The following FNBP1L variants were observed in gnomAD, a reference collection of about 807,000 sequenced individuals.
FNBP1L encodes formin-binding protein 1-like.
Under a neutral mutation model 91.2 loss-of-function variants are expected in FNBP1L, and 36 were observed. The observed-to-expected ratio is 0.39, with a 90% CI of 0.30 to 0.52. The LOEUF is 0.52. Among genes scored for constraint, FNBP1L ranks in the 20% least tolerant of loss-of-function variants. The pLI, the probability that FNBP1L is intolerant of heterozygous loss-of-function variation, is 0.66. For synonymous variants in FNBP1L, 242 were observed against 237.0 expected (o/e 1.02, Z -0.19); for missense variants, 571 against 732.1 (o/e 0.78, Z 2.54).
At chr1:93,510,343 G>A (rs1224951994) in intron 2 of FNBP1L, among the ~76,000 whole-genome samples, 2 of 152,102 alleles carry the variant, frequency 1.3e-5, no homozygotes, top group Non-Finnish European at 2.9e-5. Flanking sequence ...CCCCAGCAGG[G>A]GCAGACTGAC....
chr1:93,499,634 G>A, intron 2 of FNBP1L, 51 bp downstream of exon 2: 1 of 1,057,870 alleles, frequency 9.5e-7, no homozygotes, highest in Non-Finnish European at 1.4e-6. Flanking sequence ...TGTTTAAACA[G>A]TTGAATATTA....
chr1:93,524,184 T>C, intron 4 of FNBP1L, 77 bp from the exon 5 acceptor site: 1 of 1,250,618 alleles, frequency 8.0e-7, no homozygotes, highest in Non-Finnish European at 1.1e-6. Flanking sequence ...GACTTTAGTG[T>C]TTAAATGTAA....
intron 1 of FNBP1L, among the ~76,000 whole-genome samples, chr1:93,452,264 A>G (rs1180074830): frequency 1.3e-5 from 2 of 152,190 alleles, no homozygotes; most frequent in African/African-American, 4.8e-5. Context: ...CAGAGTATTG[A>G]TTACTAATTA....
At chr1:93,502,037 G>GT (rs1348308637) in intron 2 of FNBP1L, among the ~76,000 whole-genome samples, 2 of 152,226 alleles carry the variant, frequency 1.3e-5, no homozygotes, top group African/African-American at 4.8e-5. Flanking sequence ...AAAATCAGGT[G>GT]TACCAGCATT....
At chr1:93,485,472 A>G (rs1251066079) in intron 1 of FNBP1L, among the ~76,000 whole-genome samples, 1 of 152,214 alleles carries the variant, frequency 6.6e-6, no homozygotes, top group African/African-American at 2.4e-5. Flanking sequence ...AAGTTCAGTC[A>G]TACAAAGCTG....
Position 93,532,998 on chromosome 1 carries a change from A to G in FNBP1L, c.716A>G (p.Lys239Arg), listed in dbSNP as rs780375202. 4.3e-6 allele frequency: 7 copies of G among 1,613,430 alleles called. No homozygotes were observed. In the East Asian group the frequency reaches 6.7e-5, roughly 15 times the overall value. ...AGAGGATTTGCTGACTCAGAACGCA[A>G]AGTTATTCCCATCATTTCAAAATGT... ...CYRGFADSERKVIPIISKCLE... is the reference protein window; with the variant it reads ...CYRGFADSERRVIPIISKCLE... Residue 239 changes from lysine to arginine, a missense_variant, in exon 8 of 17, where the codon AAA becomes AGA. This residue lies in a region of FNBP1L where 220 missense variants were observed against 313.6 expected (regional missense o/e 0.70). Transcript: ENST00000271234.
intron 4 of FNBP1L, 109 bp from the exon 5 acceptor site, chr1:93,524,152 G>A: frequency 1.2e-6 from 1 of 819,396 alleles, no homozygotes. Context: ...AAAATAAAGT[G>A]AAAAGCCTTT....
At chr1:93,514,730 A>G (rs1001304791) in intron 2 of FNBP1L, among the ~76,000 whole-genome samples, 3 of 151,714 alleles carry the variant, frequency 2.0e-5, no homozygotes, top group African/African-American at 7.2e-5. Context: ...GAAAGCTGAA[A>G]CTGGATCCCT....
rs55649797 is a variant in FNBP1L, at chr1:93,540,844, CTTT to C, written c.1150-183_1150-181del. 2.5e-3 allele frequency among the ~76,000 whole-genome samples: 306 copies of C among 122,884 alleles called. 2 individuals carry two copies. The highest frequency in any genetic ancestry group is 8.5e-3 in the African/African-American group (283 of 33,448). 80.6% of individuals were successfully genotyped at this position (122,884 alleles called of 152,430 possible). The stretch of plus-strand genomic sequence containing the variant: ...ATCTGCCCATTATCATCAATGTATG[CTTT>C]TTTTTTTTTTTTTTGCAAGTAATTT... On this transcript the variant is annotated intron_variant, in intron 10 of 16. Coordinates refer to ENST00000271234, the MANE Select transcript of FNBP1L (RefSeq NM_001164473.3).
At chr1:93,487,514 C>T (rs1669948437) in intron 1 of FNBP1L, among the ~76,000 whole-genome samples, 1 of 152,132 alleles carries the variant, frequency 6.6e-6, no homozygotes, top group Admixed American at 6.6e-5. Flanking sequence ...GAAAGCAGAA[C>T]AAATAAGTTT....
chr1:93,459,978 T>TGTGTGTGTG (rs1557774003), intron 1 of FNBP1L, among the ~76,000 whole-genome samples: 4 of 125,632 alleles, frequency 3.2e-5, no homozygotes, highest in Non-Finnish European at 3.6e-5. Flanking sequence ...TGTGTGTGTG[T>TGTGTGTGTG]TTTTGGGATA....
At chr1:93,489,086 A>G (rs1415955880) in intron 1 of FNBP1L, among the ~76,000 whole-genome samples, 2 of 152,218 alleles carry the variant, frequency 1.3e-5, no homozygotes, top group African/African-American at 4.8e-5. Context: ...AAGCACAACT[A>G]GCCAACCTGG....
chr1:93,471,984 G>T (rs1485374307), intron 1 of FNBP1L, among the ~76,000 whole-genome samples: 1 of 152,156 alleles, frequency 6.6e-6, no homozygotes, highest in Non-Finnish European at 1.5e-5. Flanking sequence ...GCCTGTCTGA[G>T]AAATGGTGCT....
intron 1 of FNBP1L, among the ~76,000 whole-genome samples, chr1:93,468,918 TATC>T (rs979747657): frequency 2.0e-5 from 3 of 152,204 alleles, no homozygotes; most frequent in Non-Finnish European, 2.9e-5. Context: ...CAACGGTTGA[TATC>T]ATCTGAATTT....
At chr1:93,522,751 G>A (rs1480105287) in intron 3 of FNBP1L, among the ~76,000 whole-genome samples, 1 of 152,172 alleles carries the variant, frequency 6.6e-6, no homozygotes, top group African/African-American at 2.4e-5. Context: ...GTGTTCCGCA[G>A]TATGTTCAAA....
chr1:93,499,458 C>G lies in FNBP1L; in HGVS notation c.25-10C>G. 1 of 1,543,152 alleles carries G rather than the reference C, an allele frequency of 6.5e-7. No homozygotes were observed. Among genetic ancestry groups the G allele is most frequent in the Non-Finnish European group, 8.8e-7 (1 of 1,134,828 alleles). On this transcript the variant is annotated splice_polypyrimidine_tract_variant and intron_variant, in intron 1 of 16. Coordinates refer to ENST00000271234, the MANE Select transcript of FNBP1L (RefSeq NM_001164473.3). The stretch of plus-strand genomic sequence containing the variant: ...ACTTTTGAAAATGCATTTTTATCTT[C>G]CTTTTCCAGGATCAGTTCGACAGCT...
At chr1:93,499,757 C>T (rs1670384248) in intron 2 of FNBP1L, among the ~76,000 whole-genome samples, 174 bp downstream of exon 2, 2 of 152,038 alleles carry the variant, frequency 1.3e-5, no homozygotes. Flanking sequence ...TACAGTACCA[C>T]AAGGAATATT....
At chr1:93,498,302 A>G (rs1365593497) in intron 1 of FNBP1L, among the ~76,000 whole-genome samples, 1 of 152,092 alleles carries the variant, frequency 6.6e-6, no homozygotes, top group Non-Finnish European at 1.5e-5. Flanking sequence ...ATTGTTTTTC[A>G]TTGATTGTGT....
At chr1:93,543,988 T>G (rs1213269264) in intron 11 of FNBP1L, 119 bp from the exon 12 acceptor site, 2 of 582,048 alleles carry the variant, frequency 3.4e-6, no homozygotes, top group Non-Finnish European at 5.4e-6. Flanking sequence ...AAGGGGTTGC[T>G]TGAGGCAAAT....
Sources: allele counts gnomAD v4.1 joint callset (sites outside exome capture counted in the v4.1 genomes callset), GRCh38; gene constraint gnomAD v4.1.1; regional missense constraint gnomAD v4.1.1; transcripts MANE v1.5; gene names NCBI Gene and HGNC (gene_info 2026-07-23, HGNC 2026-07-21).